Variants in CDK5 observed in about 807,000 individuals in gnomAD.
CDK5 encodes the protein cyclin-dependent kinase 5.
A neutral mutation model predicts 44.6 loss-of-function variants in CDK5; 18 were observed. The observed-to-expected ratio is 0.40, with a 90% CI of 0.28 to 0.60. The LOEUF is 0.60. Ranked by LOEUF, CDK5 falls within the 20% of genes least tolerant of loss-of-function variation. CDK5 has a pLI of 0.38. For synonymous variants in CDK5, 143 were observed against 152.8 expected (o/e 0.94, Z 0.47); for missense variants, 198 against 368.1 (o/e 0.54, Z 3.78).
Position 151,055,263 on chromosome 7 carries a change from C to A in CDK5, c.580+14G>T. ...TGGGAAAGAAGGTGCCTCTGCAACA[C>A]CCCAGCACATCACCTGCAAAGATGC... is the stretch of plus-strand genomic sequence containing the variant. On this transcript the variant is annotated intron_variant, in intron 8 of 11. Coordinates refer to ENST00000485972, the MANE Select transcript of CDK5 (RefSeq NM_004935.4). The A allele has an allele frequency of 6.2e-7, 1 of 1,608,798 alleles. No individual in the cohort carries two copies. Among genetic ancestry groups the A allele is most frequent in the Non-Finnish European group, 8.5e-7 (1 of 1,175,218 alleles).
chr7:151,053,982 C>T lies in CDK5; in HGVS notation c.*27G>A. 1 of 1,557,084 alleles carries T rather than the reference C, an allele frequency of 6.4e-7. No homozygotes were observed. Among genetic ancestry groups the T allele is most frequent in the Non-Finnish European group, 8.7e-7 (1 of 1,149,478 alleles). The stretch of plus-strand genomic sequence containing the variant: ...GAGGGGGCTTAAATAGGCCAGGCCC[C>T]AGCCTGGAGGCCGGGGGTCCCGGGG... On this transcript the variant is annotated 3_prime_UTR_variant, in exon 12 of 12. Coordinates refer to ENST00000485972, the MANE Select transcript of CDK5 (RefSeq NM_004935.4).
rs201424831 is a variant in CDK5 at position 151,054,192 on chromosome 7, C to T, written c.792+20G>A. 4.9e-5 allele frequency: 78 copies of T among 1,607,324 alleles called. No homozygotes were observed. The African/African-American group carries it at 9.5e-4, about 20-fold the overall frequency. On this transcript the variant is annotated intron_variant, in intron 11 of 11. Transcript: ENST00000485972. The surrounding 1 kb of genome is among the most constrained non-coding windows in gnomAD (Gnocchi z 5.7). ...CACTGGGCAAGTGTCCTGACCCACC[C>T]TCTACCCCTGGTCACCTACCTGCAG...
rs777004002 is a variant in CDK5, at chr7:151,056,656, G to A, written c.256-20C>T. ...CAGGTCCTGAAAAGGGATATGAGTGGGGGAATGGGACAGAGTTTAACCTCA... is the reference window on the plus strand; with the variant it reads ...CAGGTCCTGAAAAGGGATATGAGTGAGGGAATGGGACAGAGTTTAACCTCA... On this transcript the variant is annotated intron_variant, in intron 4 of 11. Transcript: ENST00000485972. This position sits in a 1 kb window ranked among gnomAD's most constrained non-coding sequence, Gnocchi z 4.7. The A allele has an allele frequency of 2.5e-6, 4 of 1,612,050 alleles. No homozygotes were observed. Among genetic ancestry groups the A allele is most frequent in the African/African-American group, 1.3e-5 (1 of 74,994 alleles).
In CDK5 at chr7:151,056,778, G is replaced by A; in HGVS notation, c.213C>T (p.His71=). 1 of 1,612,174 alleles carries A rather than the reference G, an allele frequency of 6.2e-7. No homozygotes were observed. The highest frequency in any genetic ancestry group is 1.1e-5 in the South Asian group (1 of 90,696). ...KNIVRLHDVL[H]SDKKLTLVFE... ...AAACCAAAGTCAGCTTCTTGTCGCT[G>A]TGCAGGACGTCATGAAGCCTAGGGC... The change falls in exon 4 of 12, where the codon CAC becomes CAT. Residue 71 remains histidine, a synonymous_variant. Coordinates refer to ENST00000485972, the MANE Select transcript of CDK5 (RefSeq NM_004935.4). The surrounding 1 kb of genome is among the most constrained non-coding windows in gnomAD (Gnocchi z 4.7).
chr7:151,056,015 G>A lies in CDK5; in HGVS notation c.313-167C>T. 1.6e-6 allele frequency: 1 copy of A among 620,448 alleles called. No individual in the cohort carries two copies. The highest frequency in any genetic ancestry group is 2.6e-5 in the Admixed American group (1 of 38,958). 38.4% of individuals were successfully genotyped at this position (620,448 alleles called of 1,614,324 possible). A position where few individuals can be genotyped will look rare whatever the true frequency, so the allele number is the denominator to read the frequency against. On this transcript the variant is annotated intron_variant, in intron 5 of 11. Coordinates refer to ENST00000485972, the MANE Select transcript of CDK5 (RefSeq NM_004935.4). The surrounding 1 kb of genome is among the most constrained non-coding windows in gnomAD (Gnocchi z 4.7). ...CGCCATCCAGGACCTGCTTTATACTGTGCTAGGCATTAGAGGGACCAAAGT... is the reference window on the plus strand; with the variant it reads ...CGCCATCCAGGACCTGCTTTATACTATGCTAGGCATTAGAGGGACCAAAGT...
rs752407282 is a variant in CDK5 at position 151,056,664 on chromosome 7, G to T, written c.256-28C>A. ...GAAAAGGGATATGAGTGGGGGAATG[G>T]GACAGAGTTTAACCTCAATCTGGGC... On this transcript the variant is annotated intron_variant, in intron 4 of 11. Transcript: ENST00000485972. The surrounding 1 kb of genome is among the most constrained non-coding windows in gnomAD (Gnocchi z 4.7). 10 of 1,611,832 alleles carry T rather than the reference G, an allele frequency of 6.2e-6. No individual in the cohort carries two copies. Among genetic ancestry groups the T allele is most frequent in the Non-Finnish European group, 8.5e-6 (10 of 1,178,794 alleles).
At position 151,057,296 on chromosome 7, in the gene CDK5, TTTGTGA is replaced by T; in HGVS notation, c.38-142_38-137del. On this transcript the variant is annotated intron_variant, in intron 1 of 11. Transcript: ENST00000485972. This position sits in a 1 kb window ranked among gnomAD's most constrained non-coding sequence, Gnocchi z 5.2. The stretch of plus-strand genomic sequence containing the variant: ...TCAGGGTGAAGGTAGGTTGGTGAGC[TTTGTGA>T]GTGAGGATGTGGCAGGTGGGGAGGG... 1.3e-6 allele frequency: 1 copy of T among 761,036 alleles called. No individual in the cohort carries two copies. Among genetic ancestry groups the T allele is most frequent in the Non-Finnish European group, 2.3e-6 (1 of 425,582 alleles). 47.1% of individuals were successfully genotyped at this position (761,036 alleles called of 1,614,324 possible).
Position 151,054,101 on chromosome 7 carries a change from G to A in CDK5, c.793-6C>T. 1 of 1,597,590 alleles carries A rather than the reference G, an allele frequency of 6.3e-7. No individual in the cohort carries two copies. The highest frequency in any genetic ancestry group is 2.3e-5 in the East Asian group (1 of 44,194). On this transcript the variant is annotated splice_polypyrimidine_tract_variant and splice_region_variant and intron_variant, in intron 11 of 11. Transcript: ENST00000485972. This position sits in a 1 kb window ranked among gnomAD's most constrained non-coding sequence, Gnocchi z 5.7. ...GGGTTACACTTCAGAAGGTTCTGGAGATGGGGGAAAGGAGGTGGCAGGTTC... is the reference window on the plus strand; with the variant it reads ...GGGTTACACTTCAGAAGGTTCTGGAAATGGGGGAAAGGAGGTGGCAGGTTC...
In CDK5 at chr7:151,055,506, A is replaced by G. The variant is rs202002336; in HGVS notation, c.483+26T>C. The G allele has an allele frequency of 2.5e-4, 402 of 1,607,610 alleles. 1 individual carries two copies. The highest frequency in any genetic ancestry group is 2.0e-3 in the African/African-American group (148 of 74,890). ...TGGAGCTGAGGGACTCCCTCCCCCA[A>G]TCCCATATCCCATCTTCTAGCTCAC... is the stretch of plus-strand genomic sequence containing the variant. On this transcript the variant is annotated intron_variant, in intron 7 of 11. Coordinates refer to ENST00000485972, the MANE Select transcript of CDK5 (RefSeq NM_004935.4).
chr7:151,055,880 G>A (rs370641796), intron 5 of CDK5, 32 bp from the exon 6 acceptor site: 68 of 1,461,500 alleles, frequency 4.7e-5, no homozygotes, highest in Admixed American at 3.9e-4. Context: ...GGAGTCAGAC[G>A]CCCTGAACAT....
At position 151,056,296 on chromosome 7, in the gene CDK5, G is replaced by A. The variant is rs1016923452; in HGVS notation, c.312+284C>T. 16 of 575,870 alleles carry A rather than the reference G, an allele frequency of 2.8e-5. No individual in the cohort carries two copies. Among genetic ancestry groups the A allele is most frequent in the Middle Eastern group, 4.6e-4 (1 of 2,174 alleles). 35.7% of individuals were successfully genotyped at this position (575,870 alleles called of 1,614,324 possible). A position where few individuals can be genotyped will look rare whatever the true frequency, so the allele number is the denominator to read the frequency against. On this transcript the variant is annotated intron_variant, in intron 5 of 11. Transcript: ENST00000485972. This position sits in a 1 kb window ranked among gnomAD's most constrained non-coding sequence, Gnocchi z 4.7. ...TGGCACACAGTGAAGCATTCAGTAA[G>A]TATGTGTTGAATGAATGAGTGTATC...
Position 151,054,994 on chromosome 7 carries a change from C to G in CDK5, c.650+33G>C, listed in dbSNP as rs772336586. Reference sequence around the variant, plus strand: ...CAAAACTCCATGGACTCTCCCCTCCCAGAGGGCTCAAGGCAGAGGAAAGCA... The same window carrying G: ...CAAAACTCCATGGACTCTCCCCTCCGAGAGGGCTCAAGGCAGAGGAAAGCA... On this transcript the variant is annotated intron_variant, in intron 9 of 11. Transcript: ENST00000485972. The surrounding 1 kb of genome is among the most constrained non-coding windows in gnomAD (Gnocchi z 5.7). 6.2e-7 allele frequency: 1 copy of G among 1,610,308 alleles called. No homozygotes were observed. The highest frequency in any genetic ancestry group is 8.5e-7 in the Non-Finnish European group (1 of 1,176,794).
In CDK5 at chr7:151,056,936, T is replaced by C; in HGVS notation, c.166A>G (p.Lys56Glu). ...SSALREICLL[K>E]ELKHKNIVRL... is the part of the protein sequence containing the mutation. ...ACGATGTTCTTGTGCTTCAGCTCCT[T>C]GAGTAGGCAGATCTCCCGGAGGGCG... The change falls in exon 3 of 12, where the codon AAG (lysine) becomes GAG (glutamate). Residue 56 changes from lysine to glutamate, a missense_variant. Transcript: ENST00000485972. This position sits in a 1 kb window ranked among gnomAD's most constrained non-coding sequence, Gnocchi z 4.7. 6.2e-7 allele frequency: 1 copy of C among 1,613,390 alleles called. No homozygotes were observed. Among genetic ancestry groups the C allele is most frequent in the East Asian group, 2.2e-5 (1 of 44,874 alleles).
At position 151,056,374 on chromosome 7, in the gene CDK5, A is replaced by C. The variant is rs1796894485; in HGVS notation, c.312+206T>G. ...GAGTGTAAATAATATCACTGACATC[A>C]GAATGACACTGTGCGGGTCAAAGAT... On this transcript the variant is annotated intron_variant, in intron 5 of 11. Coordinates refer to ENST00000485972, the MANE Select transcript of CDK5 (RefSeq NM_004935.4). The surrounding 1 kb of genome is among the most constrained non-coding windows in gnomAD (Gnocchi z 4.7). 3.3e-6 allele frequency: 2 copies of C among 599,836 alleles called. No individual in the cohort carries two copies. The highest frequency in any genetic ancestry group is 5.9e-6 in the Non-Finnish European group (2 of 337,150). 37.2% of individuals were successfully genotyped at this position (599,836 alleles called of 1,614,324 possible).
Position 151,054,880 on chromosome 7 carries a change from C to A in CDK5, c.650+147G>T. The A allele has an allele frequency of 1.3e-6, 1 of 761,226 alleles. No homozygotes were observed. Among genetic ancestry groups the A allele is most frequent in the South Asian group, 1.6e-5 (1 of 61,128 alleles). 47.2% of individuals were successfully genotyped at this position (761,226 alleles called of 1,614,324 possible). A position where few individuals can be genotyped will look rare whatever the true frequency, so the allele number is the denominator to read the frequency against. On this transcript the variant is annotated intron_variant, in intron 9 of 11. Coordinates refer to ENST00000485972, the MANE Select transcript of CDK5 (RefSeq NM_004935.4). This position sits in a 1 kb window ranked among gnomAD's most constrained non-coding sequence, Gnocchi z 5.7. ...GCACTGTGACAATCAGGGTGTCCAG[C>A]ACCCCTGCTCTCTCCCCTTGCCCTC...
At position 151,056,545 on chromosome 7, in the gene CDK5, C is replaced by T. The variant is rs1293107089; in HGVS notation, c.312+35G>A. 1 of 1,598,416 alleles carries T rather than the reference C, an allele frequency of 6.3e-7. No homozygotes were observed. The highest frequency in any genetic ancestry group is 1.7e-5 in the Admixed American group (1 of 59,142). On this transcript the variant is annotated intron_variant, in intron 5 of 11. Coordinates refer to ENST00000485972, the MANE Select transcript of CDK5 (RefSeq NM_004935.4). The surrounding 1 kb of genome is among the most constrained non-coding windows in gnomAD (Gnocchi z 4.7). ...TTACACCGAATGCAGACTCCGACCC[C>T]AGCCTGAGGGGTCCCCCAACACCAC...
chr7:151,055,200 C>A (rs2150361328), intron 8 of CDK5, 77 bp downstream of exon 8: 2 of 1,561,060 alleles, frequency 1.3e-6, no homozygotes, highest in Admixed American at 1.7e-5. Flanking sequence ...CTCCCTTCCC[C>A]CAGAGGGGAC....
In CDK5 at chr7:151,057,688, G is replaced by T; in HGVS notation, c.37+124C>A. ...CACGGAGTGCTGAGCTAGGGGGCCA[G>T]GGCTGCAGCCGCTGCTGAGATCGGA... On this transcript the variant is annotated intron_variant, in intron 1 of 11. Transcript: ENST00000485972. This position sits in a 1 kb window ranked among gnomAD's most constrained non-coding sequence, Gnocchi z 5.2. 2 of 1,066,852 alleles carry T rather than the reference G, an allele frequency of 1.9e-6. No individual in the cohort carries two copies. The highest frequency in any genetic ancestry group is 2.8e-6 in the Non-Finnish European group (2 of 710,536). The allele number at this position is 1,066,852 out of a possible 1,614,324, so 66.1% of individuals were successfully genotyped here.
Position 151,054,028 on chromosome 7 carries a change from G to A in CDK5, c.860C>T (p.Ser287Phe), listed in dbSNP as rs1796844811. Residue 287 changes from serine (S) to phenylalanine (F), a missense_variant, in exon 12 of 12, where the codon TCC becomes TTC. By Grantham distance (155) the Ser-to-Phe change is radical. Coordinates refer to ENST00000485972, the MANE Select transcript of CDK5 (RefSeq NM_004935.4). This position sits in a 1 kb window ranked among gnomAD's most constrained non-coding sequence, Gnocchi z 5.7. ...AEEALQHPYF[S>F]DFCPP ...CGGGGCCTAGGGCGGACAGAAGTCG[G>A]AGAAGTAGGGGTGCTGCAGGGCCTC... The A allele has an allele frequency of 3.1e-6, 5 of 1,597,234 alleles. No homozygotes were observed. The highest frequency in any genetic ancestry group is 4.3e-6 in the Non-Finnish European group (5 of 1,172,278).
Sources: allele counts gnomAD v4.1 joint callset, GRCh38; gene constraint gnomAD v4.1.1; non-coding constraint Gnocchi (gnomAD v3.1); transcripts MANE v1.5; gene names NCBI Gene and HGNC (gene_info 2026-07-23, HGNC 2026-07-21).